The following RARB variants were observed in gnomAD, a reference collection of about 807,000 sequenced individuals.
The protein encoded by RARB is retinoic acid receptor beta, also known as HBV-activated protein.
In RARB, 17 loss-of-function variants were observed where a neutral mutation model predicts 51.9. That is an observed-to-expected ratio of 0.33 (90% CI 0.22 to 0.49). The LOEUF (loss-of-function observed/expected upper bound fraction) is 0.49, where lower values mean the gene tolerates loss of function less well. RARB is among the 20% of genes least tolerant of loss of function. The probability of loss-of-function intolerance (pLI) is 0.99; values close to 1 mark genes in which losing one functional copy is unlikely to be tolerated. For missense variants in RARB, 369 were observed against 550.8 expected, an observed-to-expected ratio of 0.67 and a Z score of 3.30; for synonymous variants, 215 against 195.4, an observed-to-expected ratio of 1.10 and a Z score of -0.84.
chr3:25,094,721 A>AAC lies in RARB; in HGVS notation c.-328+34546_-328+34547insCA, dbSNP rs1314185177. Reference sequence around the variant, plus strand: ...GACAGAGTGAGACCCCATCTCAAAAAAAAAAAAAAAAAAAAAAAAAGGAAA... The same window carrying AAC: ...GACAGAGTGAGACCCCATCTCAAAAAACAAAAAAAAAAAAAAAAAAAAGGAAA... On this transcript the variant is annotated intron_variant, in intron 3 of 11. Transcript: ENST00000383772. Among the ~76,000 whole-genome samples, 610 of 144,976 alleles carry AAC rather than the reference A, an allele frequency of 4.2e-3. 3 individuals are homozygous for AAC. Among genetic ancestry groups the AAC allele is most frequent in the African/African-American group, 0.015 (574 of 39,226 alleles).
At chr3:25,012,933 T>A (rs949510887) in intron 2 of RARB, among the ~76,000 whole-genome samples, 1 of 152,102 alleles carries the variant, frequency 6.6e-6, no homozygotes, top group African/African-American at 2.4e-5. Flanking sequence ...AACTTAAGAC[T>A]CTGATTAATA....
rs909057784 is a variant in RARB at position 24,931,858 on chromosome 3, G to C, written c.-380+73106G>C. Among the ~76,000 whole-genome samples, 34 of 152,236 alleles carry C rather than the reference G, an allele frequency of 2.2e-4. 2 individuals carry two copies. The highest frequency in any genetic ancestry group is 8.8e-5 in the Non-Finnish European group (6 of 68,006). ...TAGAATGAGAGTTAGGTAGTTATTT[G>C]TGTTCACAAGGCCAGAGAGTGTCAA... On this transcript the variant is annotated intron_variant, in intron 2 of 11. Coordinates refer to the RARB transcript ENST00000383772.
intron 1 of RARB, among the ~76,000 whole-genome samples, chr3:25,442,733 TG>T (rs1156476653): frequency 3.3e-5 from 5 of 152,162 alleles, no homozygotes; most frequent in Non-Finnish European, 7.3e-5. Context: ...CTATTTTTCC[TG>T]GGGCCTGGCA....
chr3:25,482,457 C>G (rs1696266951), intron 2 of RARB, among the ~76,000 whole-genome samples: 1 of 145,496 alleles, frequency 6.9e-6, no homozygotes, highest in African/African-American at 2.6e-5. Flanking sequence ...CAGCACTGTT[C>G]AACAGAAATA....
intron 2 of RARB, among the ~76,000 whole-genome samples, chr3:24,940,105 A>G (rs1307012820): frequency 1.3e-5 from 2 of 152,236 alleles, no homozygotes; most frequent in Non-Finnish European, 2.9e-5. Flanking sequence ...TTATTTCAGT[A>G]GAAAAGAAAT....
intron 4 of RARB, among the ~76,000 whole-genome samples, chr3:25,576,191 G>T (rs966195562): frequency 3.3e-5 from 5 of 152,170 alleles, no homozygotes; most frequent in Non-Finnish European, 7.4e-5. Context: ...GCTTCCTAGG[G>T]GCTTTGGGTG....
At chr3:25,110,208 C>G (rs908995282) in intron 3 of RARB, among the ~76,000 whole-genome samples, 1 of 152,164 alleles carries the variant, frequency 6.6e-6, no homozygotes, top group African/African-American at 2.4e-5. Context: ...CATGCTTAGG[C>G]TAAATACATG....
At chr3:25,486,495 C>A (rs1030761421) in intron 2 of RARB, among the ~76,000 whole-genome samples, 1 of 152,190 alleles carries the variant, frequency 6.6e-6, no homozygotes, top group African/African-American at 2.4e-5. Flanking sequence ...ATGCAACCTT[C>A]CACCCATCCA....
intron 5 of RARB, among the ~76,000 whole-genome samples, chr3:25,253,545 A>G (rs1181556493): frequency 1.3e-5 from 2 of 152,162 alleles, no homozygotes; most frequent in African/African-American, 2.4e-5. Flanking sequence ...TAATTTATAT[A>G]TTGCCTGGGT....
chr3:25,539,151 A>T (rs1355102758), intron 3 of RARB, among the ~76,000 whole-genome samples: 1 of 152,346 alleles, frequency 6.6e-6, no homozygotes, highest in East Asian at 1.9e-4. Flanking sequence ...CAGTTGAAAG[A>T]TGGTAACTGC....
At chr3:25,262,904 T>C (rs1376676794) in intron 5 of RARB, among the ~76,000 whole-genome samples, 1 of 152,230 alleles carries the variant, frequency 6.6e-6, no homozygotes, top group Non-Finnish European at 1.5e-5. Context: ...TTAGTAAATA[T>C]TGTCATAAGC....
chr3:25,403,645 AT>A (rs1400200789), intron 5 of RARB, among the ~76,000 whole-genome samples: 1 of 152,208 alleles, frequency 6.6e-6, no homozygotes, highest in South Asian at 2.1e-4. Flanking sequence ...CTGCGATATT[AT>A]TTTTTAATAC....
chr3:25,120,966 A>T (rs1278116347), intron 3 of RARB, among the ~76,000 whole-genome samples: 1 of 152,182 alleles, frequency 6.6e-6, no homozygotes, highest in African/African-American at 2.4e-5. Context: ...ATTTATTATC[A>T]GACCCTTTAC....
intron 3 of RARB, among the ~76,000 whole-genome samples, chr3:25,100,855 G>T (rs1438607782): frequency 1.3e-5 from 2 of 152,206 alleles, no homozygotes; most frequent in Non-Finnish European, 2.9e-5. Context: ...GAAATGGGAA[G>T]TAGAGGAACT....
At chr3:25,278,948 C>T (rs999863665) in intron 5 of RARB, among the ~76,000 whole-genome samples, 6 of 152,082 alleles carry the variant, frequency 3.9e-5, no homozygotes, top group Non-Finnish European at 8.8e-5. Flanking sequence ...AGCACAGCAC[C>T]AACATATTTA....
intron 2 of RARB, among the ~76,000 whole-genome samples, chr3:25,046,135 T>A (rs1430122297): frequency 6.6e-6 from 1 of 152,014 alleles, no homozygotes; most frequent in African/African-American, 2.4e-5. Context: ...AATGGGAAAT[T>A]AGGGAAAGAA....
intron 5 of RARB, among the ~76,000 whole-genome samples, chr3:25,317,732 T>G (rs912399001): frequency 6.6e-6 from 1 of 152,184 alleles, no homozygotes; most frequent in Non-Finnish European, 1.5e-5. Context: ...GAAAATAATT[T>G]TCATTAATTG....
chr3:25,097,566 C>G (rs1392353088), intron 3 of RARB, among the ~76,000 whole-genome samples: 2 of 152,130 alleles, frequency 1.3e-5, no homozygotes, highest in Non-Finnish European at 1.5e-5. Flanking sequence ...CGCTTGAGCC[C>G]AGGAGTTCTG....
chr3:24,896,247 T>A (rs184212000), intron 2 of RARB, among the ~76,000 whole-genome samples: 2 of 151,880 alleles, frequency 1.3e-5, no homozygotes, highest in African/African-American at 4.8e-5. Context: ...GGTACAGAGA[T>A]TTTTGGTGGT....
Sources: gnomAD v4.1 joint callset for allele counts (sites outside exome capture counted in the v4.1 genomes callset) on GRCh38, gnomAD v4.1.1 for gene constraint, MANE v1.5 for transcripts, NCBI Gene and HGNC (gene_info 2026-07-23, HGNC 2026-07-21) for gene names.